The following SEC63 variants were observed in gnomAD, a reference collection of about 807,000 sequenced individuals.
The protein encoded by SEC63 is SEC63 protein translocation regulator.
SEC63 carries 56 observed loss-of-function variants against 116.2 expected under a neutral mutation model. The ratio of observed to expected loss-of-function variants is 0.48; its 90% confidence interval spans 0.39 to 0.60. The LOEUF is 0.60. SEC63 is among the 20% of genes least tolerant of loss of function. The probability of loss-of-function intolerance (pLI) is 0.00; values close to 1 mark genes in which losing one functional copy is unlikely to be tolerated. For synonymous variants in SEC63, 273 were observed against 294.6 expected (o/e 0.93, Z 0.75); for missense variants, 668 against 900.0 (o/e 0.74, Z 3.30).
intron 1 of SEC63, among the ~76,000 whole-genome samples, chr6:107,951,815 T>C (rs1481810133): frequency 6.6e-6 from 1 of 151,648 alleles, no homozygotes; most frequent in Non-Finnish European, 1.5e-5. Context: ...CTACTAAAAA[T>C]ACAAAAAATT....
intron 19 of SEC63, among the ~76,000 whole-genome samples, chr6:107,875,956 G>T (rs1191828355): frequency 6.6e-6 from 1 of 151,714 alleles, no homozygotes; most frequent in South Asian, 2.1e-4. Context: ...GATTATAAAG[G>T]GTTAAAAAAT....
At position 107,926,057 on chromosome 6, in the gene SEC63, A is replaced by G. The variant is rs941563315; in HGVS notation, c.225-1125T>C. On this transcript the variant is annotated intron_variant, in intron 2 of 20. Coordinates refer to ENST00000369002, the MANE Select transcript of SEC63 (RefSeq NM_007214.5). ...GGTCTCAAACTCCTGACCTCAAGTGATCCGCTCGCCTCAGCCTCCCAAAGT... is the reference window on the plus strand; with the variant it reads ...GGTCTCAAACTCCTGACCTCAAGTGGTCCGCTCGCCTCAGCCTCCCAAAGT... Among the ~76,000 whole-genome samples, 12 of 152,258 alleles carry G rather than the reference A, an allele frequency of 7.9e-5. 1 individual carries two copies. Among genetic ancestry groups the G allele is most frequent in the Admixed American group, 6.5e-4 (10 of 15,274 alleles).
At chr6:107,912,829 A>C in intron 5 of SEC63, 55 bp from the exon 6 acceptor site, 1 of 1,209,872 alleles carries the variant, frequency 8.3e-7, no homozygotes. Context: ...GTTTTAATAA[A>C]TACATTAAAT....
At chr6:107,900,733 A>G (rs17068962) in intron 13 of SEC63, among the ~76,000 whole-genome samples, 2 of 152,180 alleles carry the variant, frequency 1.3e-5, no homozygotes, top group Admixed American at 1.3e-4. Context: ...GAATGTTCTC[A>G]TAATAGTAAC....
At chr6:107,943,907 G>C (rs919422889) in intron 1 of SEC63, among the ~76,000 whole-genome samples, 3 of 152,204 alleles carry the variant, frequency 2.0e-5, no homozygotes, top group Non-Finnish European at 2.9e-5. Flanking sequence ...GAGCAGAACT[G>C]TATGAGCTGA....
At chr6:107,907,198 T>C (rs1233328853) in intron 8 of SEC63, among the ~76,000 whole-genome samples, 1 of 152,224 alleles carries the variant, frequency 6.6e-6, no homozygotes, top group Non-Finnish European at 1.5e-5. Flanking sequence ...TCAAGGCCTT[T>C]TGTAAACCTA....
At chr6:107,920,526 A>C (rs1322395037) in intron 4 of SEC63, among the ~76,000 whole-genome samples, 1 of 151,364 alleles carries the variant, frequency 6.6e-6, no homozygotes, top group Admixed American at 6.6e-5. Context: ...AAACAAAAAA[A>C]TTTGTGACTC....
At chr6:107,918,415 ATTAT>A (rs1189646764) in intron 4 of SEC63, among the ~76,000 whole-genome samples, 1 of 152,206 alleles carries the variant, frequency 6.6e-6, no homozygotes, top group Non-Finnish European at 1.5e-5. Flanking sequence ...TTTAAGTCTT[ATTAT>A]TTAAGAAATA....
At position 107,942,601 on chromosome 6, in the gene SEC63, C is replaced by G. The variant is rs540491940; in HGVS notation, c.125-13087G>C. Among the ~76,000 whole-genome samples, 730 of 152,252 alleles carry G rather than the reference C, an allele frequency of 4.8e-3. 5 individuals are homozygous for G. The highest frequency in any genetic ancestry group is 8.4e-3 in the Non-Finnish European group (570 of 68,028). ...AAGTAAATTATATAGTACAGTTAAC[C>G]CTTGAACAACGTTGGGGTTAGGGGC... On this transcript the variant is annotated intron_variant, in intron 1 of 20. Transcript: ENST00000369002.
chr6:107,954,944 G>A (rs996270228), intron 1 of SEC63, among the ~76,000 whole-genome samples: 14 of 152,182 alleles, frequency 9.2e-5, no homozygotes, highest in Non-Finnish European at 1.2e-4. Context: ...ACAATTTTGA[G>A]CAAGAGCAAA....
At chr6:107,885,261 T>C (rs1171749454) in intron 16 of SEC63, among the ~76,000 whole-genome samples, 5 of 152,234 alleles carry the variant, frequency 3.3e-5, no homozygotes, top group Admixed American at 2.0e-4. Flanking sequence ...ACTGCATATG[T>C]AGAAAATCTT....
intron 3 of SEC63, among the ~76,000 whole-genome samples, chr6:107,922,861 T>G (rs1207371031): frequency 6.6e-6 from 1 of 152,164 alleles, no homozygotes; most frequent in Non-Finnish European, 1.5e-5. Context: ...TCAAGCCATC[T>G]ACTGAGCAAA....
chr6:107,894,881 T>G (rs1435740299), intron 14 of SEC63, among the ~76,000 whole-genome samples: 3 of 152,100 alleles, frequency 2.0e-5, no homozygotes, highest in Non-Finnish European at 4.4e-5. Flanking sequence ...TGTGCCACTG[T>G]GCCTGCCCTG....
intron 12 of SEC63, among the ~76,000 whole-genome samples, chr6:107,902,242 A>G (rs1197347975): frequency 6.6e-6 from 1 of 152,126 alleles, no homozygotes; most frequent in African/African-American, 2.4e-5. Context: ...CTAATTTCCA[A>G]CATGCATTTA....
At chr6:107,900,987 T>C (rs1002951294) in intron 13 of SEC63, among the ~76,000 whole-genome samples, 2 of 152,180 alleles carry the variant, frequency 1.3e-5, no homozygotes, top group Non-Finnish European at 2.9e-5. Context: ...ATAAGTTGGG[T>C]TTTAAAAATT....
chr6:107,908,288 G>C (rs1218492144), intron 8 of SEC63, among the ~76,000 whole-genome samples: 1 of 151,922 alleles, frequency 6.6e-6, no homozygotes, highest in African/African-American at 2.4e-5. Context: ...ATCTCCCAAG[G>C]ATAAACTGCA....
intron 19 of SEC63, 59 bp from the exon 20 acceptor site, chr6:107,872,971 C>G: frequency 2.8e-6 from 3 of 1,072,262 alleles, no homozygotes; most frequent in Non-Finnish European, 4.2e-6. Flanking sequence ...AGCTCACTCC[C>G]TAAAATTCCT....
intron 1 of SEC63, among the ~76,000 whole-genome samples, chr6:107,945,247 C>T (rs1025544371): frequency 2.6e-5 from 4 of 151,296 alleles, no homozygotes; most frequent in African/African-American, 9.7e-5. Context: ...GGAATCTACA[C>T]GAGAAAACTC....
intron 1 of SEC63, chr6:107,930,173 CTTTTTTTTTT>C (rs1206634310): frequency 1.1e-4 from 10 of 89,292 alleles, no homozygotes; most frequent in African/African-American, 4.0e-4. Flanking sequence ...GCAAAGTATT[CTTTTTTTTTT>C]TTTTTTTTTT....
Sources: allele counts gnomAD v4.1 joint callset (sites outside exome capture counted in the v4.1 genomes callset), GRCh38; gene constraint gnomAD v4.1.1; transcripts MANE v1.5; gene names NCBI Gene and HGNC (gene_info 2026-07-23, HGNC 2026-07-21).